Variants in CSNK2A1 observed in about 807,000 individuals in gnomAD.
CSNK2A1 encodes casein kinase 2 alpha 1, also known as casein kinase II subunit alpha.
A neutral mutation model predicts 62.9 loss-of-function variants in CSNK2A1; 10 were observed. The observed-to-expected ratio is 0.16, with a 90% confidence interval of 0.10 to 0.27. CSNK2A1 has a LOEUF of 0.27. Ranked by LOEUF, CSNK2A1 falls within the 10% of genes least tolerant of loss-of-function variation. The pLI is 1.00. For synonymous variants in CSNK2A1, 124 were observed against 167.8 expected (o/e 0.74, Z 2.02); for missense variants, 160 against 492.0 (o/e 0.33, Z 6.38).
intron 2 of CSNK2A1, among the ~76,000 whole-genome samples, chr20:521,585 C>G (rs2018948627): frequency 1.3e-5 from 2 of 152,188 alleles, no homozygotes; most frequent in African/African-American, 4.8e-5. Flanking sequence ...AAACCCGTAT[C>G]TACACAAAAA....
At chr20:503,270 G>A (rs571652007) in intron 4 of CSNK2A1, 170 of 381,184 alleles carry the variant, frequency 4.5e-4, no homozygotes, top group African/African-American at 2.5e-3. Context: ...TTAGCCCCTC[G>A]AGGACCTGCG....
chr20:489,639 G>T, intron 10 of CSNK2A1, 141 bp downstream of exon 10: 1 of 548,956 alleles, frequency 1.8e-6, no homozygotes, highest in Non-Finnish European at 3.0e-6. Flanking sequence ...ATTTCAAAAG[G>T]CTAAGCTGGT....
chr20:521,680 A>C (rs1471760800), intron 2 of CSNK2A1, among the ~76,000 whole-genome samples: 1 of 152,256 alleles, frequency 6.6e-6, no homozygotes, highest in African/African-American at 2.4e-5. Flanking sequence ...ACATGAACAA[A>C]CAAATGGTTT....
chr20:489,029 T>C (rs2018160240), intron 10 of CSNK2A1: 6 of 351,272 alleles, frequency 1.7e-5, no homozygotes, highest in South Asian at 1.0e-4. Context: ...CAATTGAAGA[T>C]GTCACTTCTT....
intron 1 of CSNK2A1, among the ~76,000 whole-genome samples, chr20:532,564 G>T (rs796406427): frequency 1.2e-4 from 19 of 152,166 alleles, no homozygotes; most frequent in African/African-American, 4.3e-4. Flanking sequence ...TCATTAGTTT[G>T]GATGCTGTAT....
intron 1 of CSNK2A1, among the ~76,000 whole-genome samples, chr20:542,211 T>C (rs551613334): frequency 3.9e-5 from 6 of 152,286 alleles, no homozygotes; most frequent in African/African-American, 1.2e-4. Context: ...TTGACACAAA[T>C]TGTCTTATTT....
At chr20:536,370 T>C (rs1043473752) in intron 1 of CSNK2A1, among the ~76,000 whole-genome samples, 6 of 152,242 alleles carry the variant, frequency 3.9e-5, no homozygotes, top group Non-Finnish European at 5.9e-5. Context: ...AGACATTTTA[T>C]CAATTTTCTC....
chr20:527,014 A>G (rs997488948), intron 2 of CSNK2A1: 2 of 141,006 alleles, frequency 1.4e-5, no homozygotes, highest in African/African-American at 2.6e-5. Flanking sequence ...AGAGAGAGAG[A>G]GAGAGAGAGA....
At chr20:503,262 A>G in intron 4 of CSNK2A1, 1 of 376,204 alleles carries the variant, frequency 2.7e-6, no homozygotes, top group East Asian at 3.8e-5. Context: ...CTCCCACTTT[A>G]GCCCCTCGAG....
chr20:542,069 T>C (rs1257824036), intron 1 of CSNK2A1, among the ~76,000 whole-genome samples: 1 of 152,184 alleles, frequency 6.6e-6, no homozygotes, highest in African/African-American at 2.4e-5. Flanking sequence ...TAAAGCCCTG[T>C]CTACAGTCAA....
intron 2 of CSNK2A1, among the ~76,000 whole-genome samples, chr20:522,197 T>C (rs1010654658): frequency 6.6e-6 from 1 of 152,186 alleles, no homozygotes; most frequent in Non-Finnish European, 1.5e-5. Flanking sequence ...TAAGTAAGCA[T>C]GGAAAGAGAG....
chr20:488,637 T>G (rs1199172584), intron 11 of CSNK2A1, 41 bp downstream of exon 11: 8 of 1,590,064 alleles, frequency 5.0e-6, no homozygotes, highest in Non-Finnish European at 6.9e-6. Context: ...ACTCTCAAAG[T>G]GCTTAAGCCA....
rs930258388 is a variant in CSNK2A1 at position 504,037 on chromosome 20, G to GC, written c.213+1080dup. On this transcript the variant is annotated intron_variant, in intron 4 of 13. Transcript: ENST00000217244. The stretch of plus-strand genomic sequence containing the variant: ...TATTAAAATTACAAAAATTAGCCGG[G>GC]CATTGCTGGCGTGCATCTGTAGTCC... 8.2e-4 allele frequency: 128 copies of GC among 155,398 alleles called. No individual in the cohort carries two copies. In the Middle Eastern group the frequency reaches 9.8e-3, roughly 12 times the overall value. 9.6% of individuals were successfully genotyped at this position (155,398 alleles called of 1,614,324 possible).
In CSNK2A1 at chr20:480,454, T is replaced by C. The variant is rs535205317; in HGVS notation, c.*3507A>G. The C allele has an allele frequency of 2.5e-4, 37 of 150,886 alleles. No homozygotes were observed. The highest frequency in any genetic ancestry group is 8.5e-4 in the African/African-American group (35 of 41,194). 9.3% of individuals were successfully genotyped at this position (150,886 alleles called of 1,614,324 possible). ...AAAAAACAAAAGGTTTTAATGAGGATTGCATAAGACATGCAAGGTCACCAG... is the reference window on the plus strand; with the variant it reads ...AAAAAACAAAAGGTTTTAATGAGGACTGCATAAGACATGCAAGGTCACCAG... On this transcript the variant is annotated 3_prime_UTR_variant, in exon 14 of 14. Coordinates refer to ENST00000217244, the MANE Select transcript of CSNK2A1 (RefSeq NM_177559.3).
chr20:531,030 GCTGAGATCGCGCCATTGCA>G (rs1317807792), intron 1 of CSNK2A1, among the ~76,000 whole-genome samples: 1 of 152,124 alleles, frequency 6.6e-6, no homozygotes, highest in Non-Finnish European at 1.5e-5. Context: ...GTTACAGTGA[GCTGAGATCGCGCCATTGCA>G]CTCCAGCCTG....
chr20:535,434 T>C (rs1882456613), intron 1 of CSNK2A1, among the ~76,000 whole-genome samples: 1 of 152,182 alleles, frequency 6.6e-6, no homozygotes, highest in Non-Finnish European at 1.5e-5. Flanking sequence ...CAGATGGCCA[T>C]TTGTAGCCAT....
chr20:486,568 T>C (rs2122503861), intron 12 of CSNK2A1, 106 bp from the exon 13 acceptor site: 1 of 1,134,204 alleles, frequency 8.8e-7, no homozygotes, highest in East Asian at 2.7e-5. Context: ...TTATATATAC[T>C]CTACATTATT....
At chr20:520,312 A>C (rs535947845) in intron 2 of CSNK2A1, among the ~76,000 whole-genome samples, 68 of 152,284 alleles carry the variant, frequency 4.5e-4, no homozygotes, top group African/African-American at 1.6e-3. Flanking sequence ...AATTATACTA[A>C]CTGATCTTAA....
At chr20:489,729 C>T (rs1224289470) in intron 10 of CSNK2A1, 51 bp downstream of exon 10, 4 of 1,459,928 alleles carry the variant, frequency 2.7e-6, no homozygotes, top group Non-Finnish European at 3.8e-6. Flanking sequence ...GCAGTGCTGG[C>T]TATCATTGCA....
Sources: allele counts gnomAD v4.1 joint callset (sites outside exome capture counted in the v4.1 genomes callset), GRCh38; gene constraint gnomAD v4.1.1; transcripts MANE v1.5; gene names NCBI Gene and HGNC (gene_info 2026-07-23, HGNC 2026-07-21).